PNKD: variants seen among roughly 807,000 people sequenced by gnomAD.
PNKD encodes the protein PNKD metallo-beta-lactamase domain containing.
Under a neutral mutation model 45.3 loss-of-function variants are expected in PNKD, and 36 were observed. The ratio of observed to expected loss-of-function variants is 0.80; its 90% confidence interval spans 0.61 to 1.05. The LOEUF is 1.05. Ranked by LOEUF, PNKD falls within the 50% of genes least tolerant of loss-of-function variation. The pLI is 0.00. For missense variants in PNKD, 511 were observed against 506.6 expected (o/e 1.01, Z -0.08); for synonymous variants, 197 against 210.1 (o/e 0.94, Z 0.54).
chr2:218,272,479 T>C, intron 2 of PNKD: 2 of 1,182,576 alleles, frequency 1.7e-6, no homozygotes, highest in Admixed American at 1.7e-5. Context: ...GCAGCATTCA[T>C]GCAACTGATG....
chr2:218,326,508 T>C lies in PNKD; in HGVS notation c.237-13275T>C, dbSNP rs1694158469. Among the ~76,000 whole-genome samples the C allele has an allele frequency of 6.6e-6, 1 of 152,166 alleles. No individual in the cohort carries two copies. The highest frequency in any genetic ancestry group is 1.5e-5 in the Non-Finnish European group (1 of 68,028). ...ATAACTTCTCTGTGCCTTAGTTGTT[T>C]GCATCTATAAAGTGGGGTTGGGGAT... On this transcript the variant is annotated intron_variant, in intron 2 of 9. Coordinates refer to ENST00000273077, the MANE Select transcript of PNKD (RefSeq NM_015488.5). This position sits in a 1 kb window ranked among gnomAD's most constrained non-coding sequence, Gnocchi z 4.1.
intron 2 of PNKD, chr2:218,276,179 A>T: frequency 7.7e-7 from 1 of 1,294,666 alleles, no homozygotes; most frequent in Non-Finnish European, 1.1e-6. Context: ...GAGTGGGTAG[A>T]GCTGGGAAGC....
chr2:218,288,964 A>G (rs1232550397), intron 2 of PNKD, among the ~76,000 whole-genome samples: 2 of 152,196 alleles, frequency 1.3e-5, no homozygotes, highest in Non-Finnish European at 2.9e-5. Flanking sequence ...TGAAATTCAG[A>G]AAAAAAGAGA....
intron 2 of PNKD, among the ~76,000 whole-genome samples, chr2:218,335,427 G>A (rs890735832): frequency 2.0e-5 from 3 of 152,066 alleles, no homozygotes; most frequent in East Asian, 3.9e-4. Context: ...GTTGCGGTGA[G>A]CCAAGATCAC....
At chr2:218,323,572 G>A (rs1452793927) in intron 2 of PNKD, 5 of 684,272 alleles carry the variant, frequency 7.3e-6, no homozygotes, top group Non-Finnish European at 1.1e-5. Context: ...TCGAGGAGAC[G>A]GACTGGAGAA....
intron 2 of PNKD, among the ~76,000 whole-genome samples, chr2:218,331,520 G>A: frequency 6.6e-6 from 1 of 151,902 alleles, no homozygotes; most frequent in South Asian, 2.1e-4. Flanking sequence ...ACCCAGGCTG[G>A]AGCGCAGTGG....
In PNKD at chr2:218,345,117, G is replaced by GTGT; in HGVS notation, c.*136_*137insTGT. ...GGGCATCATCCCCCCACACTGCTCA[G>GTGT]GGGAGGGGAGGGATCAGGCGATGAG... On this transcript the variant is annotated 3_prime_UTR_variant, in exon 10 of 10. Coordinates refer to ENST00000273077, the MANE Select transcript of PNKD (RefSeq NM_015488.5). 2.9e-6 allele frequency: 2 copies of GTGT among 682,830 alleles called. No individual in the cohort carries two copies. Among genetic ancestry groups the GTGT allele is most frequent in the Non-Finnish European group, 5.0e-6 (2 of 403,508 alleles). 42.3% of individuals were successfully genotyped at this position (682,830 alleles called of 1,614,324 possible). A position where few individuals can be genotyped will look rare whatever the true frequency, so the allele number is the denominator to read the frequency against.
At chr2:218,277,332 C>T (rs368820137) in intron 2 of PNKD, 58 of 1,593,764 alleles carry the variant, frequency 3.6e-5, no homozygotes, top group African/African-American at 5.4e-5. Context: ...AAAGGGGAGT[C>T]GGGGGGCCAG....
At chr2:218,282,775 G>A (rs1306975988) in intron 2 of PNKD, among the ~76,000 whole-genome samples, 1 of 152,360 alleles carries the variant, frequency 6.6e-6, no homozygotes, top group South Asian at 2.1e-4. Context: ...GGACCCGGGG[G>A]CCAGTGGCAG....
Position 218,341,514 on chromosome 2 carries a change from C to T in PNKD, c.525-20C>T, listed in dbSNP as rs1194392558. The T allele has an allele frequency of 1.3e-6, 2 of 1,538,342 alleles. No homozygotes were observed. Among genetic ancestry groups the T allele is most frequent in the Non-Finnish European group, 1.8e-6 (2 of 1,127,012 alleles). On this transcript the variant is annotated intron_variant, in intron 5 of 9. Coordinates refer to ENST00000273077, the MANE Select transcript of PNKD (RefSeq NM_015488.5). The stretch of plus-strand genomic sequence containing the variant: ...ACAGTTGCCCCTCGAAGCCCCCTGC[C>T]TGTCTCTGCTGTCCTGCAGGGACCA...
At chr2:218,292,187 C>A (rs1196455122) in intron 2 of PNKD, among the ~76,000 whole-genome samples, 1 of 152,222 alleles carries the variant, frequency 6.6e-6, no homozygotes, top group Non-Finnish European at 1.5e-5. Flanking sequence ...ACCCCCAGAC[C>A]CTGGCTCCGC....
chr2:218,277,040 A>G (rs768973984), intron 2 of PNKD: 22 of 1,614,150 alleles, frequency 1.4e-5, no homozygotes, highest in Middle Eastern at 3.3e-4. Context: ...TGACAATCCC[A>G]GTCACCAGGA....
chr2:218,315,096 CCT>C (rs756404018), intron 2 of PNKD, among the ~76,000 whole-genome samples: 28,765 of 59,668 alleles, frequency 0.48, 7,393 homozygotes, highest in South Asian at 0.67. Flanking sequence ...CTCTCTCTCT[CCT>C]TCCTTCCTTC....
chr2:218,275,271 C>G (rs1361966103), intron 2 of PNKD: 8 of 550,792 alleles, frequency 1.5e-5, no homozygotes, highest in Non-Finnish European at 2.4e-5. Context: ...CCAAGAGCAA[C>G]AGTTAGTCCC....
At chr2:218,339,738 G>A in intron 2 of PNKD, 45 bp from the exon 3 acceptor site, 1 of 1,186,690 alleles carries the variant, frequency 8.4e-7, no homozygotes, top group Non-Finnish European at 1.3e-6. Context: ...GTCTAGGGGA[G>A]CTAGGGAGAA....
intron 2 of PNKD, among the ~76,000 whole-genome samples, chr2:218,303,122 A>G (rs1223071152): frequency 6.6e-6 from 1 of 151,958 alleles, no homozygotes; most frequent in Non-Finnish European, 1.5e-5. Flanking sequence ...TTGTATTTTT[A>G]GTAGAGACAG....
At chr2:218,280,014 C>T (rs776647484) in intron 2 of PNKD, 5 of 1,611,862 alleles carry the variant, frequency 3.1e-6, no homozygotes, top group South Asian at 1.1e-5. Context: ...CACCTCCCAG[C>T]GCGTATCTTA....
chr2:218,276,179 A>G (rs767115280), intron 2 of PNKD: 29 of 1,294,666 alleles, frequency 2.2e-5, no homozygotes, highest in Non-Finnish European at 3.1e-5. Context: ...GAGTGGGTAG[A>G]GCTGGGAAGC....
At chr2:218,281,161 T>C (rs1169610502) in intron 2 of PNKD, among the ~76,000 whole-genome samples, 6 of 149,910 alleles carry the variant, frequency 4.0e-5, no homozygotes, top group Non-Finnish European at 8.9e-5. Flanking sequence ...TGAGACAGAG[T>C]CTTGCTCTGT....
Sources: gnomAD v4.1 joint callset for allele counts (sites outside exome capture counted in the v4.1 genomes callset) on GRCh38, gnomAD v4.1.1 for gene constraint, Gnocchi (gnomAD v3.1) non-coding constraint, MANE v1.5 for transcripts, NCBI Gene and HGNC (gene_info 2026-07-23, HGNC 2026-07-21) for gene names.